The following C2 variants were observed in gnomAD, a reference collection of about 807,000 sequenced individuals.
C2 encodes the protein C3/C5 convertase.
C2 carries 64 observed loss-of-function variants against 85.2 expected under a neutral mutation model. The ratio of observed to expected loss-of-function variants is 0.75; its 90% confidence interval spans 0.61 to 0.92. The LOEUF is 0.92. Among genes scored for constraint, C2 ranks in the 40% least tolerant of loss-of-function variants. The pLI, the probability that C2 is intolerant of heterozygous loss-of-function variation, is 0.00. For synonymous variants in C2, 311 were observed against 370.8 expected, an observed-to-expected ratio of 0.84 and a Z score of 1.85; for missense variants, 820 against 971.6, an observed-to-expected ratio of 0.84 and a Z score of 2.07.
rs1256312837 is a variant in C2 at position 31,944,536 on chromosome 6, C to A, written c.1903-191C>A. ...AGCTGAGATTACAGGTGCCCACCACCACACCAGCTAATTTTTGTATTTTTA... is the reference window on the plus strand; with the variant it reads ...AGCTGAGATTACAGGTGCCCACCACAACACCAGCTAATTTTTGTATTTTTA... On this transcript the variant is annotated intron_variant, in intron 15 of 17. Coordinates refer to ENST00000299367, the MANE Select transcript of C2 (RefSeq NM_000063.6). The surrounding 1 kb of genome is among the most constrained non-coding windows in gnomAD (Gnocchi z 5.1). Among the ~76,000 whole-genome samples, 6 of 152,168 alleles carry A rather than the reference C, an allele frequency of 3.9e-5. No homozygotes were observed. Among genetic ancestry groups the A allele is most frequent in the Non-Finnish European group, 4.4e-5 (3 of 68,032 alleles).
chr6:31,932,521 G>A (rs41290347), intron 3 of C2: 4 of 223,122 alleles, frequency 1.8e-5, no homozygotes, highest in East Asian at 1.7e-4. Context: ...GACGATGGGC[G>A]GCAGGGCAGA....
rs745980021 is a variant in C2 at position 31,934,307 on chromosome 6, A to G, written c.849+8A>G. ...TCCCTCATGGTGGACAGGGTCAGGAATCAGGAGTCTGCCTGCAGCAGAGGC... is the reference window on the plus strand; with the variant it reads ...TCCCTCATGGTGGACAGGGTCAGGAGTCAGGAGTCTGCCTGCAGCAGAGGC... On this transcript the variant is annotated splice_region_variant and intron_variant, in intron 6 of 17. Coordinates refer to ENST00000299367, the MANE Select transcript of C2 (RefSeq NM_000063.6). The G allele has an allele frequency of 6.3e-7, 1 of 1,594,018 alleles. No homozygotes were observed. Among genetic ancestry groups the G allele is most frequent in the Non-Finnish European group, 8.6e-7 (1 of 1,162,586 alleles).
At chr6:31,918,130 A>C (rs1768683703), upstream of C2, among the ~76,000 whole-genome samples, 1 of 152,102 alleles carries the variant, frequency 6.6e-6, no homozygotes, top group African/African-American at 2.4e-5. Context: ...AACAATTAAA[A>C]AAAACTTAGC....
chr6:31,928,320 G>A, intron 2 of C2, 156 bp downstream of exon 2: 1 of 723,496 alleles, frequency 1.4e-6, no homozygotes, highest in African/African-American at 1.7e-5. Flanking sequence ...TCAATTGCCA[G>A]TAGCAAGGAA....
At position 31,943,996 on chromosome 6, in the gene C2, G is replaced by A; in HGVS notation, c.1810+3G>A. ...AGGCAGCACCTGTAGGGACCATGGT[G>A]AGTGCTGGGACTTATGGTGCTTGAG... is the stretch of plus-strand genomic sequence containing the variant. On this transcript the variant is annotated splice_donor_region_variant and intron_variant, in intron 14 of 17. Transcript: ENST00000299367. This position sits in a 1 kb window ranked among gnomAD's most constrained non-coding sequence, Gnocchi z 6.4. 6.2e-7 allele frequency: 1 copy of A among 1,612,794 alleles called. No homozygotes were observed. Among genetic ancestry groups the A allele is most frequent in the South Asian group, 1.1e-5 (1 of 91,078 alleles).
At chr6:31,939,808 GC>G (rs937869455) in intron 9 of C2, among the ~76,000 whole-genome samples, 12 of 151,862 alleles carry the variant, frequency 7.9e-5, no homozygotes, top group African/African-American at 2.9e-4. Flanking sequence ...ACAGAATCTT[GC>G]CGTGTTGCCC....
At chr6:31,915,000 G>A (rs1768402804), upstream of C2, among the ~76,000 whole-genome samples, 1 of 152,112 alleles carries the variant, frequency 6.6e-6, no homozygotes, top group African/African-American at 2.4e-5. Context: ...TCAGAGGAGG[G>A]CTCAGGGGCC....
chr6:31,928,001 G>C lies in C2; in HGVS notation c.93G>C (p.Ser31=), dbSNP rs1397722489. 1 of 1,614,080 alleles carries C rather than the reference G, an allele frequency of 6.2e-7. No homozygotes were observed. The highest frequency in any genetic ancestry group is 8.5e-7 in the Non-Finnish European group (1 of 1,180,010). Reference sequence around the variant, plus strand: ...CCTGCCCTCAGAACGTGAATATCTCGGGTGGCACCTTCACCCTCAGCCATG... The same window carrying C: ...CCTGCCCTCAGAACGTGAATATCTCCGGTGGCACCTTCACCCTCAGCCATG... ...APSCPQNVNI[S]GGTFTLSHGW... Residue 31 remains serine (S), a synonymous_variant, in exon 2 of 18, where the codon TCG becomes TCC. Coordinates refer to ENST00000299367, the MANE Select transcript of C2 (RefSeq NM_000063.6).
chr6:31,932,070 C>T lies in C2; in HGVS notation c.443-1540C>T, dbSNP rs1201895963. On this transcript the variant is annotated intron_variant, in intron 3 of 17. Coordinates refer to ENST00000299367, the MANE Select transcript of C2 (RefSeq NM_000063.6). ...TCACTTCCCAGCAGGGGCGGCCGGG[C>T]AGAGGCGCCCCTCACTTCCCGGATG... is the stretch of plus-strand genomic sequence containing the variant. Among the ~76,000 whole-genome samples the T allele has an allele frequency of 1.4e-4, 19 of 131,184 alleles. 1 individual carries two copies. Among genetic ancestry groups the T allele is most frequent in the African/African-American group, 4.6e-4 (15 of 32,624 alleles). 86.1% of individuals were successfully genotyped at this position (131,184 alleles called of 152,430 possible). A position where few individuals can be genotyped will look rare whatever the true frequency, so the allele number is the denominator to read the frequency against.
At chr6:31,912,164 T>A (rs948741689) in intron 1 of C2, among the ~76,000 whole-genome samples, 2 of 152,132 alleles carry the variant, frequency 1.3e-5, no homozygotes, top group African/African-American at 4.8e-5. Context: ...TTCGTAAGAG[T>A]GGAGTTGCTG....
intron 8 of C2, among the ~76,000 whole-genome samples, chr6:31,938,560 C>T (rs998012253): frequency 4.6e-5 from 7 of 151,108 alleles, no homozygotes; most frequent in African/African-American, 1.2e-4. Flanking sequence ...GGTGCGATCT[C>T]GGCTCACTGC....
In C2 at chr6:31,943,379, A is replaced by G; in HGVS notation, c.1456-37A>G. Reference sequence around the variant, plus strand: ...AGGTAAAAGCGGCCATGGGCCAGACATACTGCAATCTCTGAAAATCACCTG... The same window carrying G: ...AGGTAAAAGCGGCCATGGGCCAGACGTACTGCAATCTCTGAAAATCACCTG... On this transcript the variant is annotated intron_variant, in intron 11 of 17. Transcript: ENST00000299367. The surrounding 1 kb of genome is among the most constrained non-coding windows in gnomAD (Gnocchi z 6.4). The G allele has an allele frequency of 6.2e-7, 1 of 1,609,932 alleles. No individual in the cohort carries two copies. The highest frequency in any genetic ancestry group is 8.5e-7 in the Non-Finnish European group (1 of 1,177,136).
In C2 at chr6:31,921,606, GT is replaced by G. The variant is rs1935233599; in HGVS notation, c.-100+1583del. ...TGGACCCAGGAGCCATGCTGCCTGG[GT>G]TTGAATCCCGGCTCTGCTGCTTAGT... is the stretch of plus-strand genomic sequence containing the variant. On this transcript the variant is annotated intron_variant, in intron 1 of 3. Coordinates refer to the C2 transcript ENST00000413154. The surrounding 1 kb of genome is among the most constrained non-coding windows in gnomAD (Gnocchi z 4.6). Among the ~76,000 whole-genome samples, 1 of 151,904 alleles carries G rather than the reference GT, an allele frequency of 6.6e-6. No homozygotes were observed. The highest frequency in any genetic ancestry group is 2.4e-5 in the African/African-American group (1 of 41,226).
chr6:31,898,283 C>G (rs1057019805), upstream of C2, among the ~76,000 whole-genome samples: 1 of 152,212 alleles, frequency 6.6e-6, no homozygotes. Context: ...CAGGTAAGCC[C>G]AGCGGCCCGA....
rs1368696086 is a variant in C2, at chr6:31,928,850, C to T, written c.375C>T (p.Gly125=). Residue 125 remains glycine (G), a synonymous_variant, in exon 3 of 18, where the codon GGC becomes GGT. Transcript: ENST00000299367. ...FECEDGFILR[G]SPVRQCRPNG... ...GTGAGGATGGCTTCATATTGCGGGG[C>T]TCGCCTGTGCGTCAGTGTCGCCCCA... 1.2e-6 allele frequency: 2 copies of T among 1,614,114 alleles called. No homozygotes were observed. The highest frequency in any genetic ancestry group is 2.7e-5 in the African/African-American group (2 of 74,942).
chr6:31,927,618 C>T, upstream of C2: 2 of 1,597,358 alleles, frequency 1.3e-6, no homozygotes, highest in Non-Finnish European at 1.7e-6. This position sits in a 1 kb window ranked among gnomAD's most constrained non-coding sequence, Gnocchi z 4.7. Flanking sequence ...AGAAGACCAT[C>T]CCCCTTGCCA....
At chr6:31,933,570 A>AG (rs1207034972) in intron 3 of C2, 40 bp from the exon 4 acceptor site, 1 of 1,608,430 alleles carries the variant, frequency 6.2e-7, no homozygotes, top group African/African-American at 1.3e-5. Flanking sequence ...GCCTGATGGG[A>AG]GGGGGCTACT....
Position 31,937,209 on chromosome 6 carries a change from A to ATC in C2, c.989-110_989-109insTC, listed in dbSNP as rs2151760170. On this transcript the variant is annotated intron_variant, in intron 7 of 17. Transcript: ENST00000299367. ...GGGTGGCAGAGCGAGACTCTCTCAA[A>ATC]AAAAAAAAAAAAATTGCATTTCCAA... is the stretch of plus-strand genomic sequence containing the variant. The ATC allele has an allele frequency of 2.6e-6, 3 of 1,139,040 alleles. No individual in the cohort carries two copies. In the Admixed American group the frequency reaches 7.3e-5, roughly 28 times the overall value. 70.6% of individuals were successfully genotyped at this position (1,139,040 alleles called of 1,614,324 possible).
intron 1 of C2, chr6:31,901,882 ACCCCCCCCCGGGGCCGGCAGCGACC>A (rs1411919152): frequency 1.6e-5 from 1 of 61,418 alleles, no homozygotes. Context: ...TATTTTCCCC[ACCCCCCCCCGGGGCCGGCAGCGACC>A]CCCACACACG....
Sources: allele counts gnomAD v4.1 joint callset (sites outside exome capture counted in the v4.1 genomes callset), GRCh38; gene constraint gnomAD v4.1.1; non-coding constraint Gnocchi (gnomAD v3.1); transcripts MANE v1.5; gene names NCBI Gene and HGNC (gene_info 2026-07-23, HGNC 2026-07-21).